The following ADAM18 variants were observed in gnomAD, a reference collection of about 807,000 sequenced individuals.
The protein encoded by ADAM18 is disintegrin and metalloproteinase domain-containing protein 18.
A neutral mutation model predicts 94.4 loss-of-function variants in ADAM18; 117 were observed. The observed-to-expected ratio is 1.24, with a 90% CI of 1.07 to 1.45. The LOEUF is 1.45. Among genes scored for constraint, ADAM18 ranks in the 40% most tolerant of loss-of-function variants. ADAM18 has a pLI of 0.00. For synonymous variants in ADAM18, 327 were observed against 291.6 expected (o/e 1.12, Z -1.24); for missense variants, 936 against 880.0 (o/e 1.06, Z -0.81).
intron 6 of ADAM18, among the ~76,000 whole-genome samples, chr8:39,616,582 G>T (rs913764356): frequency 3.9e-5 from 6 of 152,102 alleles, no homozygotes; most frequent in African/African-American, 1.2e-4. Flanking sequence ...TGAGCTAAAA[G>T]AACAAAGCTG....
At chr8:39,584,702 T>G in intron 1 of ADAM18, 25 bp downstream of exon 1, 1 of 1,610,440 alleles carries the variant, frequency 6.2e-7, no homozygotes. Context: ...GCCTCCCCTT[T>G]CTTCTTCGAC....
chr8:39,633,932 A>G (rs1284940911), intron 7 of ADAM18, among the ~76,000 whole-genome samples: 1 of 152,008 alleles, frequency 6.6e-6, no homozygotes, highest in African/African-American at 2.4e-5. Context: ...GTGTGGATAG[A>G]GCAAGTCAGC....
At chr8:39,680,967 C>T (rs970285131) in intron 16 of ADAM18, among the ~76,000 whole-genome samples, 7 of 152,208 alleles carry the variant, frequency 4.6e-5, no homozygotes, top group Non-Finnish European at 8.8e-5. Context: ...CCTTGAGAAA[C>T]CTCTATGTGG....
chr8:39,680,065 G>T lies in ADAM18; in HGVS notation c.1660G>T (p.Val554Phe). 6.2e-7 allele frequency: 1 copy of T among 1,613,588 alleles called. No individual in the cohort carries two copies. Among genetic ancestry groups the T allele is most frequent in the Non-Finnish European group, 8.5e-7 (1 of 1,179,786 alleles). ...KDVLCGKLAC[V>F]QPHKNANKSD... ...TGTTCTCTGTGGAAAATTAGCTTGT[G>T]TTCAGCCACATAAAAATGCTAATAA... The change falls in exon 16 of 20, where the codon GTT becomes TTT. Residue 554 changes from valine to phenylalanine, a missense_variant. Transcript: ENST00000265707.
At chr8:39,616,503 G>A (rs28864395) in intron 6 of ADAM18, among the ~76,000 whole-genome samples, 3,653 of 152,130 alleles carry the variant, frequency 0.024, 139 homozygotes, top group African/African-American at 0.082. Context: ...CGTTTTTCAC[G>A]CAATTAGACA....
chr8:39,611,423 G>A (rs1272013546), intron 6 of ADAM18: 5 of 839,352 alleles, frequency 6.0e-6, no homozygotes, highest in Non-Finnish European at 1.4e-6. Flanking sequence ...TGTGAATCCT[G>A]AAAAAAAAAA....
intron 14 of ADAM18, among the ~76,000 whole-genome samples, chr8:39,674,783 G>A (rs1821254830): frequency 6.6e-6 from 1 of 152,092 alleles, no homozygotes; most frequent in Non-Finnish European, 1.5e-5. Context: ...TCTGTGTTTA[G>A]TGCTTCCTTC....
At chr8:39,653,871 A>G (rs1284954411) in intron 12 of ADAM18, among the ~76,000 whole-genome samples, 1 of 152,216 alleles carries the variant, frequency 6.6e-6, no homozygotes, top group Non-Finnish European at 1.5e-5. Flanking sequence ...TATGCAATAA[A>G]TAATTTTAAA....
chr8:39,674,875 C>T (rs552409544), intron 14 of ADAM18, among the ~76,000 whole-genome samples: 56 of 152,320 alleles, frequency 3.7e-4, no homozygotes, highest in African/African-American at 1.3e-3. Context: ...TTCTCCTTCA[C>T]TTATGAAGCT....
At chr8:39,649,997 A>G (rs950688595) in intron 12 of ADAM18, among the ~76,000 whole-genome samples, 5 of 152,210 alleles carry the variant, frequency 3.3e-5, no homozygotes, top group Admixed American at 3.3e-4. Context: ...GCAGAGGTAA[A>G]TAGTTGCAAC....
chr8:39,603,226 T>C lies in ADAM18; in HGVS notation c.133-3081T>C, dbSNP rs570501206. 7.6e-4 allele frequency among the ~76,000 whole-genome samples: 115 copies of C among 152,224 alleles called. 1 individual carries two copies. Among genetic ancestry groups the C allele is most frequent in the Non-Finnish European group, 1.6e-3 (110 of 68,030 alleles). ...TCTATTCCATTTTTCTGTGCGTCCA[T>C]TTTGTTTTGCCAATATCATTCTGTC... On this transcript the variant is annotated intron_variant, in intron 2 of 19. Transcript: ENST00000265707.
At chr8:39,707,500 A>G (rs1822271960) in intron 18 of ADAM18, among the ~76,000 whole-genome samples, 1 of 152,206 alleles carries the variant, frequency 6.6e-6, no homozygotes, top group Admixed American at 6.5e-5. Context: ...CTAAGCATTT[A>G]TCATGCACTG....
intron 2 of ADAM18, among the ~76,000 whole-genome samples, chr8:39,601,680 C>T (rs544558362): frequency 1.1e-3 from 174 of 152,092 alleles, no homozygotes; most frequent in Non-Finnish European, 1.9e-3. Context: ...TGTACAATAA[C>T]GTACATAAGA....
chr8:39,677,440 G>A lies in ADAM18; in HGVS notation c.1535G>A (p.Gly512Asp), dbSNP rs1821329045. Reference sequence around the variant, plus strand: ...ATGTTTGCATTTTAAGGTGCTCAAGGTGCTCCATTTGCCTGTTTTAAAGAA... The same window carrying A: ...ATGTTTGCATTTTAAGGTGCTCAAGATGCTCCATTTGCCTGTTTTAAAGAA... ...CAKIFGKGAQ[G>D]APFACFKEVN... Residue 512 changes from glycine to aspartate, a missense_variant, in exon 15 of 20, where the codon GGT (glycine) becomes GAT (aspartate). Coordinates refer to ENST00000265707, the MANE Select transcript of ADAM18 (RefSeq NM_014237.3). 6.2e-7 allele frequency: 1 copy of A among 1,604,786 alleles called. No homozygotes were observed. Among genetic ancestry groups the A allele is most frequent in the Admixed American group, 1.8e-5 (1 of 57,024 alleles).
rs10689403 is a variant in ADAM18, at chr8:39,628,416, AATAGATAGATAGATAG to A, written c.523-930_523-915del. 7.4e-3 allele frequency among the ~76,000 whole-genome samples: 1,095 copies of A among 148,286 alleles called. 14 individuals carry two copies. Among genetic ancestry groups the A allele is most frequent in the African/African-American group, 0.025 (1,017 of 40,300 alleles). On this transcript the variant is annotated intron_variant, in intron 6 of 19. Transcript: ENST00000265707. Reference sequence around the variant, plus strand: ...TGATGAATTGATAGACTGATAGATCAATAGATAGATAGATAGATAGATAGATAGATAGATAGATAGA... The same window carrying A: ...TGATGAATTGATAGACTGATAGATCAATAGATAGATAGATAGATAGATAGA...
chr8:39,677,898 T>C (rs974716581), intron 15 of ADAM18, among the ~76,000 whole-genome samples: 1 of 152,164 alleles, frequency 6.6e-6, no homozygotes, highest in African/African-American at 2.4e-5. Context: ...ATAGAATTGT[T>C]GAGAAGAAGA....
intron 17 of ADAM18, among the ~76,000 whole-genome samples, chr8:39,696,459 G>A (rs1821931074): frequency 6.6e-6 from 1 of 151,370 alleles, no homozygotes; most frequent in Non-Finnish European, 1.5e-5. Flanking sequence ...CTAATGTCAT[G>A]AAGCTTTTCC....
chr8:39,672,850 C>T (rs547028206), intron 14 of ADAM18, among the ~76,000 whole-genome samples: 1 of 152,320 alleles, frequency 6.6e-6, no homozygotes, highest in South Asian at 2.1e-4. Flanking sequence ...CCAATGTGAT[C>T]ATGGTCTCCC....
intron 16 of ADAM18, among the ~76,000 whole-genome samples, chr8:39,681,820 C>A (rs1821468631): frequency 6.6e-6 from 1 of 152,084 alleles, no homozygotes; most frequent in East Asian, 1.9e-4. Flanking sequence ...AGCATATTGT[C>A]TTCTACAGTA....
Sources: allele counts gnomAD v4.1 joint callset (sites outside exome capture counted in the v4.1 genomes callset), GRCh38; gene constraint gnomAD v4.1.1; transcripts MANE v1.5; gene names NCBI Gene and HGNC (gene_info 2026-07-23, HGNC 2026-07-21).